Variants in SLC35D2 observed in about 807,000 individuals in gnomAD.
SLC35D2 encodes nucleotide sugar transporter SLC35D2.
SLC35D2 carries 43 observed loss-of-function variants against 41.8 expected under a neutral mutation model. The ratio of observed to expected loss-of-function variants is 1.03; its 90% CI spans 0.81 to 1.33. The LOEUF is 1.33. SLC35D2 is among the 40% of genes most tolerant of loss of function. The pLI is 0.00. For synonymous variants in SLC35D2, 150 were observed against 163.9 expected (o/e 0.92, Z 0.65); for missense variants, 380 against 408.4 (o/e 0.93, Z 0.60).
At chr9:96,374,532 CA>C (rs35986252) in intron 1 of SLC35D2, among the ~76,000 whole-genome samples, 10,967 of 82,252 alleles carry the variant, frequency 0.13, 586 homozygotes, top group African/African-American at 0.24. Context: ...GACTCCGTCT[CA>C]AAAAAAAAAA....
exon 12 of SLC35D2, chr9:96,314,592 G>T (rs1587817351): frequency 6.6e-6 from 1 of 152,122 alleles, no homozygotes; most frequent in Non-Finnish European, 1.5e-5. Context: ...CCTGTTAGGG[G>T]GGTGCGGGAG....
intron 9 of SLC35D2, among the ~76,000 whole-genome samples, chr9:96,327,964 A>C (rs1167223850): frequency 1.3e-5 from 2 of 152,062 alleles, no homozygotes; most frequent in Non-Finnish European, 2.9e-5. Context: ...AGAGAGGGCA[A>C]ATATAGAACC....
intron 3 of SLC35D2, among the ~76,000 whole-genome samples, chr9:96,362,223 T>C (rs34751838): frequency 0.026 from 3,994 of 152,240 alleles, 78 homozygotes; most frequent in Middle Eastern, 0.054. Flanking sequence ...AATTTAGGGA[T>C]GTGGCTGGGT....
intron 8 of SLC35D2, among the ~76,000 whole-genome samples, chr9:96,339,826 A>G (rs2130892681): frequency 6.6e-6 from 1 of 152,314 alleles, no homozygotes; most frequent in Admixed American, 6.5e-5. Context: ...GAATTGAGGC[A>G]CTGTTAATAG....
intron 5 of SLC35D2, 29 bp from the exon 6 acceptor site, chr9:96,351,200 A>C (rs1829799283): frequency 1.4e-6 from 2 of 1,453,422 alleles, no homozygotes; most frequent in Non-Finnish European, 9.7e-7. Context: ...TAAGAAAGGA[A>C]AGGGAGCAGA....
chr9:96,330,812 G>A (rs1254244597), intron 9 of SLC35D2, among the ~76,000 whole-genome samples: 2 of 152,160 alleles, frequency 1.3e-5, no homozygotes, highest in South Asian at 2.1e-4. Context: ...CATCTCCCCA[G>A]GTGGCCTCCC....
intron 6 of SLC35D2, among the ~76,000 whole-genome samples, chr9:96,346,392 G>T (rs138934513): frequency 6.8e-4 from 104 of 152,256 alleles, no homozygotes; most frequent in Admixed American, 1.2e-3. Flanking sequence ...GAACGAGAAG[G>T]GTTCTTTTAG....
At chr9:96,319,524 G>C (rs927095342), downstream of SLC35D2, among the ~76,000 whole-genome samples, 19 of 151,550 alleles carry the variant, frequency 1.3e-4, no homozygotes, top group Non-Finnish European at 2.8e-4. Context: ...AGTTTTTTTT[G>C]AGACAGGGTC....
At chr9:96,315,465 G>A (rs1483846132) in intron 11 of SLC35D2, among the ~76,000 whole-genome samples, 12 of 124,478 alleles carry the variant, frequency 9.6e-5, no homozygotes, top group South Asian at 7.7e-4. Context: ...ACGGAGTCTC[G>A]CTCTGTTGCC....
In SLC35D2 at chr9:96,337,587, G is replaced by T. The variant is rs542136962; in HGVS notation, c.685-803C>A. ...GGTCATAAACTGTTCTCAGGAACTT[G>T]CACATGCTTAGGAAGTATTGTGAAC... On this transcript the variant is annotated intron_variant, in intron 8 of 11. Transcript: ENST00000253270. Among the ~76,000 whole-genome samples the T allele has an allele frequency of 2.6e-5, 4 of 152,268 alleles. No individual in the cohort carries two copies. The East Asian group carries it at 5.8e-4, about 22-fold the overall frequency.
intron 1 of SLC35D2, among the ~76,000 whole-genome samples, chr9:96,368,781 T>C (rs1341326214): frequency 1.3e-5 from 2 of 150,492 alleles, no homozygotes; most frequent in Non-Finnish European, 2.9e-5. Flanking sequence ...CACACACACA[T>C]TGAGATGGAG....
intron 3 of SLC35D2, among the ~76,000 whole-genome samples, chr9:96,363,172 T>C (rs79093773): frequency 2.6e-5 from 4 of 151,324 alleles, no homozygotes; most frequent in Non-Finnish European, 5.9e-5. Context: ...TGGCTTATTT[T>C]TTTTTTTTTT....
At chr9:96,378,993 C>T (rs917420714) in intron 1 of SLC35D2, among the ~76,000 whole-genome samples, 2 of 151,978 alleles carry the variant, frequency 1.3e-5, no homozygotes, top group South Asian at 2.1e-4. Context: ...GAACTTGATC[C>T]CAAAGGACCA....
intron 8 of SLC35D2, among the ~76,000 whole-genome samples, chr9:96,337,031 A>G (rs1202292550): frequency 6.6e-6 from 1 of 152,194 alleles, no homozygotes; most frequent in Non-Finnish European, 1.5e-5. Flanking sequence ...CGTTGATATA[A>G]GGACTGAAAG....
intron 4 of SLC35D2, among the ~76,000 whole-genome samples, chr9:96,359,441 G>A (rs1378888400): frequency 6.6e-6 from 1 of 152,136 alleles, no homozygotes; most frequent in African/African-American, 2.4e-5. Context: ...TGTAATCCCA[G>A]CACTTCGGGA....
At chr9:96,362,870 GTT>G (rs534159570) in intron 3 of SLC35D2, among the ~76,000 whole-genome samples, 2 of 138,960 alleles carry the variant, frequency 1.4e-5, no homozygotes, top group African/African-American at 2.6e-5. Flanking sequence ...TCCCTGTTTT[GTT>G]TTTTTTTTTT....
chr9:96,337,845 A>G (rs1168993822), intron 8 of SLC35D2, among the ~76,000 whole-genome samples: 2 of 151,662 alleles, frequency 1.3e-5, no homozygotes, highest in Non-Finnish European at 2.9e-5. Flanking sequence ...AGCCAGGCGC[A>G]GGGGCAGGTG....
chr9:96,345,836 C>T (rs1829553582), intron 6 of SLC35D2, among the ~76,000 whole-genome samples: 1 of 152,160 alleles, frequency 6.6e-6, no homozygotes, highest in South Asian at 2.1e-4. Flanking sequence ...CATGAGGCAG[C>T]CACACCTCCA....
chr9:96,378,910 C>T (rs1485127518), intron 1 of SLC35D2, among the ~76,000 whole-genome samples: 1 of 151,418 alleles, frequency 6.6e-6, no homozygotes, highest in Non-Finnish European at 1.5e-5. Context: ...GCCTGGGCAA[C>T]AGAACAAGAC....
Sources: gnomAD v4.1 joint callset for allele counts (sites outside exome capture counted in the v4.1 genomes callset) on GRCh38, gnomAD v4.1.1 for gene constraint, MANE v1.5 for transcripts, NCBI Gene and HGNC (gene_info 2026-07-23, HGNC 2026-07-21) for gene names.